Variants in CDC16 observed in about 807,000 individuals in gnomAD.
CDC16 encodes the protein cell division cycle 16, also known as cell division cycle protein 16 homolog.
In CDC16, 34 loss-of-function variants were observed where a neutral mutation model predicts 87.0. That is an observed-to-expected ratio of 0.39 (90% confidence interval 0.30 to 0.52). The LOEUF (loss-of-function observed/expected upper bound fraction) is 0.52, where lower values mean the gene tolerates loss of function less well. Ranked by LOEUF, CDC16 falls within the 20% of genes least tolerant of loss-of-function variation. CDC16 has a pLI of 0.74. For missense variants in CDC16, 653 were observed against 751.9 expected (o/e 0.87, Z 1.54); for synonymous variants, 263 against 260.6 (o/e 1.01, Z -0.09).
In CDC16 at chr13:114,239,528, G is replaced by A; in HGVS notation, c.381+38G>A. 3 of 1,486,230 alleles carry A rather than the reference G, an allele frequency of 2.0e-6. No homozygotes were observed. In the South Asian group the frequency reaches 4.4e-5, roughly 22 times the overall value. 92.1% of individuals were successfully genotyped at this position (1,486,230 alleles called of 1,614,324 possible). A position where few individuals can be genotyped will look rare whatever the true frequency, so the allele number is the denominator to read the frequency against. ...GTGAGCACAGCTCAGTAACGGCGGC[G>A]AGAATTGCCCTCATTACGTGGCAGA... On this transcript the variant is annotated intron_variant, in intron 5 of 17. Coordinates refer to ENST00000356221, the MANE Select transcript of CDC16 (RefSeq NM_001078645.3).
chr13:114,242,351 ATCT>A (rs1231475447), intron 6 of CDC16, 71 bp downstream of exon 6: 1 of 1,429,164 alleles, frequency 7.0e-7, no homozygotes, highest in Non-Finnish European at 9.7e-7. Context: ...TGCCTCTGAA[ATCT>A]TCTAAGTCAA....
chr13:114,250,284 G>A (rs2082095568), intron 11 of CDC16, among the ~76,000 whole-genome samples: 1 of 152,170 alleles, frequency 6.6e-6, no homozygotes. Context: ...CCTGAGGTCA[G>A]GAGTTCAAGA....
intron 5 of CDC16, among the ~76,000 whole-genome samples, chr13:114,241,604 A>G (rs2081556242): frequency 6.6e-6 from 1 of 152,272 alleles, no homozygotes; most frequent in Non-Finnish European, 1.5e-5. Flanking sequence ...GTGTTGGAAC[A>G]GAGCAGTTGA....
At chr13:114,267,733 C>G (rs1268613061) in intron 17 of CDC16, among the ~76,000 whole-genome samples, 1 of 146,516 alleles carries the variant, frequency 6.8e-6, no homozygotes, top group Middle Eastern at 3.2e-3. Flanking sequence ...AGTAGTAATA[C>G]TAGGAATAAA....
intron 17 of CDC16, among the ~76,000 whole-genome samples, chr13:114,265,851 T>C (rs765007386): frequency 6.6e-6 from 1 of 152,104 alleles, no homozygotes; most frequent in Non-Finnish European, 1.5e-5. Flanking sequence ...GCTTCGCTCT[T>C]GTTGCCCAGG....
At chr13:114,262,136 A>T (rs2082893954) in intron 15 of CDC16, among the ~76,000 whole-genome samples, 188 bp downstream of exon 15, 1 of 152,222 alleles carries the variant, frequency 6.6e-6, no homozygotes, top group Non-Finnish European at 1.5e-5. Context: ...TTAGAAACAC[A>T]TTGAGAATTT....
chr13:114,261,997 T>A (rs1332396748), intron 15 of CDC16, 49 bp downstream of exon 15: 1 of 1,166,072 alleles, frequency 8.6e-7, no homozygotes, highest in African/African-American at 1.6e-5. Flanking sequence ...TCTCAAAGTT[T>A]ACTTAATTTT....
intron 17 of CDC16, among the ~76,000 whole-genome samples, chr13:114,269,642 C>G (rs1322204063): frequency 6.6e-6 from 1 of 152,144 alleles, no homozygotes; most frequent in African/African-American, 2.4e-5. Flanking sequence ...CAATAGAATA[C>G]TATATTATTT....
At chr13:114,251,014 A>G (rs1029637417) in intron 12 of CDC16, among the ~76,000 whole-genome samples, 5 of 152,254 alleles carry the variant, frequency 3.3e-5, no homozygotes, top group African/African-American at 1.2e-4. Flanking sequence ...ACCAAAAGGT[A>G]TTTGATGTGG....
At position 114,269,993 on chromosome 13, in the gene CDC16, A is replaced by G. The variant is rs556265834; in HGVS notation, c.1604-2191A>G. The stretch of plus-strand genomic sequence containing the variant: ...AGTGCTGGGATTATAGGCGTGAGCC[A>G]CCACGCCCAACAAATTTCACAGATT... On this transcript the variant is annotated intron_variant, in intron 17 of 17. Transcript: ENST00000356221. 5.8e-4 allele frequency among the ~76,000 whole-genome samples: 88 copies of G among 152,376 alleles called. No individual in the cohort carries two copies. In the South Asian group the frequency reaches 0.016, roughly 28 times the overall value.
rs546554684 is a variant in CDC16 at position 114,263,466 on chromosome 13, A to C, written c.1512+452A>C. ...CACCATGAGTAAGCAGGATGACCAC[A>C]AAGAAAAAAGTGCTGCCAATTAAAC... On this transcript the variant is annotated intron_variant, in intron 16 of 17. Transcript: ENST00000356221. Among the ~76,000 whole-genome samples the C allele has an allele frequency of 3.3e-5, 5 of 152,374 alleles. No homozygotes were observed. The East Asian group carries it at 9.6e-4, about 29-fold the overall frequency.
At chr13:114,263,687 G>A (rs7319446) in intron 16 of CDC16, among the ~76,000 whole-genome samples, 51,577 of 152,086 alleles carry the variant, frequency 0.34, 10,841 homozygotes, top group African/African-American at 0.6. Context: ...TAGCACACAC[G>A]CCCAGTTCCT....
At position 114,262,937 on chromosome 13, in the gene CDC16, G is replaced by C; in HGVS notation, c.1435G>C (p.Ala479Pro). 1 of 1,613,532 alleles carries C rather than the reference G, an allele frequency of 6.2e-7. No individual in the cohort carries two copies. Among genetic ancestry groups the C allele is most frequent in the Non-Finnish European group, 8.5e-7 (1 of 1,179,436 alleles). The change falls in exon 16 of 18, where the codon GCA becomes CCA. Residue 479 changes from alanine to proline, a missense_variant. Physicochemically the swap from Ala to Pro is conservative, Grantham distance 27. Coordinates refer to ENST00000356221, the MANE Select transcript of CDC16 (RefSeq NM_001078645.3). ...GGCACTGGTGTTGATTCCTCAGAAC[G>C]CATCCACCTACTCTGCTATTGGATA... is the stretch of plus-strand genomic sequence containing the variant. ...RQALVLIPQN[A>P]STYSAIGYIH...
intron 15 of CDC16, among the ~76,000 whole-genome samples, 200 bp from the exon 16 acceptor site, chr13:114,262,679 C>T (rs1397426263): frequency 1.3e-5 from 2 of 152,118 alleles, no homozygotes; most frequent in African/African-American, 4.8e-5. Context: ...TGCCCTTGGC[C>T]GGCGGAGGGA....
chr13:114,264,610 G>T (rs1784364517), intron 16 of CDC16, among the ~76,000 whole-genome samples: 1 of 151,836 alleles, frequency 6.6e-6, no homozygotes, highest in Non-Finnish European at 1.5e-5. Flanking sequence ...TATGGAGATA[G>T]AACTTCTTTT....
chr13:114,253,478 T>A (rs1051555399), intron 12 of CDC16, among the ~76,000 whole-genome samples: 3 of 151,934 alleles, frequency 2.0e-5, no homozygotes, highest in Admixed American at 2.0e-4. Flanking sequence ...TCACTTGAGG[T>A]CAGGAGTTCA....
At chr13:114,242,077 T>G in intron 5 of CDC16, 44 bp from the exon 6 acceptor site, 3 of 1,555,986 alleles carry the variant, frequency 1.9e-6, no homozygotes, top group Non-Finnish European at 2.6e-6. Context: ...AAAGTTAAGT[T>G]TAAAAGTACT....
At position 114,234,977 on chromosome 13, in the gene CDC16, C is replaced by G. The variant is rs1340371268; in HGVS notation, c.-108C>G. 1 of 834,756 alleles carries G rather than the reference C, an allele frequency of 1.2e-6. No homozygotes were observed. Among genetic ancestry groups the G allele is most frequent in the Non-Finnish European group, 1.6e-6 (1 of 625,756 alleles). The allele number at this position is 834,756 out of a possible 1,614,324, so 51.7% of individuals were successfully genotyped here. ...AGTCCGCGGCCTTCGAGTCCTGGGG[C>G]GGCGGCGGCGGCTGCAGGCACGGGC... is the stretch of plus-strand genomic sequence containing the variant. On this transcript the variant is annotated 5_prime_UTR_variant, in exon 1 of 18. Coordinates refer to ENST00000356221, the MANE Select transcript of CDC16 (RefSeq NM_001078645.3).
At position 114,252,414 on chromosome 13, in the gene CDC16, G is replaced by T. The variant is rs184007152; in HGVS notation, c.1097+1740G>T. 3.9e-5 allele frequency among the ~76,000 whole-genome samples: 6 copies of T among 152,268 alleles called. No individual in the cohort carries two copies. In the East Asian group the frequency reaches 1.2e-3, roughly 29 times the overall value. On this transcript the variant is annotated intron_variant, in intron 12 of 17. Coordinates refer to ENST00000356221, the MANE Select transcript of CDC16 (RefSeq NM_001078645.3). ...GGTTAGGGATTTAATGTATGAATTTGGGGGGCAGAGGGGACACAAACAGTC... is the reference window on the plus strand; with the variant it reads ...GGTTAGGGATTTAATGTATGAATTTTGGGGGCAGAGGGGACACAAACAGTC...
Sources: allele counts gnomAD v4.1 joint callset (sites outside exome capture counted in the v4.1 genomes callset), GRCh38; gene constraint gnomAD v4.1.1; transcripts MANE v1.5; gene names NCBI Gene and HGNC (gene_info 2026-07-23, HGNC 2026-07-21).